The following C6orf136 variants were observed in gnomAD, a reference collection of about 807,000 sequenced individuals.
C6orf136 encodes uncharacterized protein C6orf136.
C6orf136 carries 29 observed loss-of-function variants against 44.0 expected under a neutral mutation model. The ratio of observed to expected loss-of-function variants is 0.66; its 90% CI spans 0.49 to 0.90. The LOEUF is 0.90. C6orf136 is among the 40% of genes least tolerant of loss of function. C6orf136 has a pLI of 0.00. For synonymous variants in C6orf136, 293 were observed against 278.6 expected (o/e 1.05, Z -0.52); for missense variants, 628 against 669.3 (o/e 0.94, Z 0.68).
At chr6:30,649,167 A>G (rs1364224501) in intron 1 of C6orf136, among the ~76,000 whole-genome samples, 3 of 152,192 alleles carry the variant, frequency 2.0e-5, no homozygotes, top group African/African-American at 4.8e-5. Flanking sequence ...GATGAAAACC[A>G]TCCTGGCTAA....
Position 30,649,432 on chromosome 6 carries a change from T to C in C6orf136, c.616-126T>C, listed in dbSNP as rs1391429857. ...GATGGAGATGAATCCATCCCTTTTTTCCTATAGTAATTCCATCCATTCTGT... is the reference window on the plus strand; with the variant it reads ...GATGGAGATGAATCCATCCCTTTTTCCCTATAGTAATTCCATCCATTCTGT... On this transcript the variant is annotated intron_variant, in intron 1 of 5. Transcript: ENST00000651131. 3 of 798,098 alleles carry C rather than the reference T, an allele frequency of 3.8e-6. No homozygotes were observed. The South Asian group carries it at 6.1e-5, about 16-fold the overall frequency. 49.4% of individuals were successfully genotyped at this position (798,098 alleles called of 1,614,324 possible). A position where few individuals can be genotyped will look rare whatever the true frequency, so the allele number is the denominator to read the frequency against.
chr6:30,650,085 C>A, intron 2 of C6orf136, 126 bp downstream of exon 2: 1 of 874,018 alleles, frequency 1.1e-6, no homozygotes, highest in Non-Finnish European at 1.7e-6. Context: ...ATATTATAAA[C>A]ATTTTCCTGA....
chr6:30,647,362 C>A lies in C6orf136; in HGVS notation c.131C>A (p.Pro44Gln). ...RGGGERPSSK[P>Q]VRGAERALGS... ...GGCGGGGAGAGACCCTCCTCAAAGCCGGTGCGTGGGGCGGAGCGCGCGCTG... is the reference window on the plus strand; with the variant it reads ...GGCGGGGAGAGACCCTCCTCAAAGCAGGTGCGTGGGGCGGAGCGCGCGCTG... The change falls in exon 1 of 6, where the codon CCG becomes CAG. Residue 44 changes from proline to glutamine, a missense_variant. By Grantham distance (76) the Pro-to-Gln change is moderately conservative. Coordinates refer to ENST00000651131, the MANE Select transcript of C6orf136 (RefSeq NM_001161376.2). The surrounding 1 kb of genome is among the most constrained non-coding windows in gnomAD (Gnocchi z 4.8). 1 of 1,524,078 alleles carries A rather than the reference C, an allele frequency of 6.6e-7. No individual in the cohort carries two copies. The highest frequency in any genetic ancestry group is 8.8e-7 in the Non-Finnish European group (1 of 1,139,598). The allele number at this position is 1,524,078 out of a possible 1,614,324, so 94.4% of individuals were successfully genotyped here.
rs1296114801 is a variant in C6orf136, at chr6:30,647,776, T to C, written c.545T>C (p.Leu182Pro). 2 of 1,543,830 alleles carry C rather than the reference T, an allele frequency of 1.3e-6. No homozygotes were observed. The highest frequency in any genetic ancestry group is 1.7e-6 in the Non-Finnish European group (2 of 1,145,072). The change falls in exon 1 of 6, where the codon CTG becomes CCG. Residue 182 changes from leucine (L) to proline (P), a missense_variant. Transcript: ENST00000651131. This position sits in a 1 kb window ranked among gnomAD's most constrained non-coding sequence, Gnocchi z 4.8. Reference protein sequence around the residue: ...GRPVCTRFGPLRPGWQDGHAP... With the variant: ...GRPVCTRFGPPRPGWQDGHAP... ...CCAGTGTGCACCCGGTTCGGGCCCC[T>C]GCGCCCGGGCTGGCAAGATGGCCAC...
At chr6:30,652,283 A>ACACACACAC (rs1561959009) in intron 4 of C6orf136, among the ~76,000 whole-genome samples, 1 of 144,322 alleles carries the variant, frequency 6.9e-6, no homozygotes, top group African/African-American at 2.6e-5. Context: ...ACACACACAC[A>ACACACACAC]AAAGTACTGA....
chr6:30,652,107 G>C (rs6899862), intron 4 of C6orf136, among the ~76,000 whole-genome samples: 11,411 of 151,956 alleles, frequency 0.075, 962 homozygotes, highest in African/African-American at 0.2. Context: ...GCCCAGTGTG[G>C]TGGTACACAC....
At chr6:30,652,571 C>T in intron 4 of C6orf136, 77 bp from the exon 5 acceptor site, 2 of 1,331,414 alleles carry the variant, frequency 1.5e-6, no homozygotes, top group Non-Finnish European at 2.2e-6. Context: ...TTAGGGACTA[C>T]TCGTTTAAAC....
At position 30,647,362 on chromosome 6, in the gene C6orf136, C is replaced by T. The variant is rs749778757; in HGVS notation, c.131C>T (p.Pro44Leu). 110 of 1,524,078 alleles carry T rather than the reference C, an allele frequency of 7.2e-5. No individual in the cohort carries two copies. The highest frequency in any genetic ancestry group is 4.3e-5 in the African/African-American group (3 of 70,576). The allele number at this position is 1,524,078 out of a possible 1,614,324, so 94.4% of individuals were successfully genotyped here. ...GGCGGGGAGAGACCCTCCTCAAAGC[C>T]GGTGCGTGGGGCGGAGCGCGCGCTG... The part of the protein sequence containing the change: ...RGGGERPSSK[P>L]VRGAERALGS... The change falls in exon 1 of 6, where the codon CCG becomes CTG. Residue 44 changes from proline to leucine, a missense_variant. By Grantham distance (98) the Pro-to-Leu change is moderately conservative (BLOSUM62 -3). Around this residue, in one of 2 missense-constraint regions of C6orf136, gnomAD observed 497 missense variants for 469.2 expected, o/e 1.06. Transcript: ENST00000651131. This position sits in a 1 kb window ranked among gnomAD's most constrained non-coding sequence, Gnocchi z 4.8.
rs1192879832 is a variant in C6orf136 at position 30,647,827 on chromosome 6, G to T, written c.596G>T (p.Arg199Met). 3 of 1,507,836 alleles carry T rather than the reference G, an allele frequency of 2.0e-6. No individual in the cohort carries two copies. The highest frequency in any genetic ancestry group is 2.7e-6 in the Non-Finnish European group (3 of 1,128,920). 93.4% of individuals were successfully genotyped at this position (1,507,836 alleles called of 1,614,324 possible). ...GHAPSRDGAS[R>M]TPSGTEDQLY... ...GCCCCCAGCAGAGACGGCGCCTCTA[G>T]GACACCATCGGGGACCGAGGTACCC... is the stretch of plus-strand genomic sequence containing the variant. The change falls in exon 1 of 6, where the codon AGG (arginine) becomes ATG (methionine). Residue 199 changes from arginine (R) to methionine (M), a missense_variant. By Grantham distance (91) the Arg-to-Met change is moderately conservative. Around this residue, in one of 2 missense-constraint regions of C6orf136, gnomAD observed 497 missense variants for 469.2 expected, o/e 1.06. Coordinates refer to ENST00000651131, the MANE Select transcript of C6orf136 (RefSeq NM_001161376.2). This position sits in a 1 kb window ranked among gnomAD's most constrained non-coding sequence, Gnocchi z 4.8.
intron 4 of C6orf136, 129 bp downstream of exon 4, chr6:30,651,595 C>T (rs1397767162): frequency 1.5e-5 from 13 of 894,734 alleles, no homozygotes; most frequent in Admixed American, 4.9e-5. Flanking sequence ...CAGCCTCTGC[C>T]TCCCGGCTTC....
At chr6:30,650,889 G>A (rs1327503330) in intron 2 of C6orf136, 105 bp from the exon 3 acceptor site, 1 of 799,082 alleles carries the variant, frequency 1.3e-6, no homozygotes, top group African/African-American at 1.7e-5. Context: ...TCCAGCCTGG[G>A]CGACAGAGCT....
At position 30,649,716 on chromosome 6, in the gene C6orf136, G is replaced by A. The variant is rs199822803; in HGVS notation, c.774G>A (p.Gln258=). 73 of 1,612,984 alleles carry A rather than the reference G, an allele frequency of 4.5e-5. No homozygotes were observed. The African/African-American group carries it at 6.5e-4, about 14-fold the overall frequency. The change falls in exon 2 of 6, where the codon CAG becomes CAA. Residue 258 remains glutamine (Q), a synonymous_variant. Transcript: ENST00000651131. The part of the protein sequence containing the change: ...QVPPLPLPQI[Q]ALSSAWVVLP... Reference sequence around the variant, plus strand: ...CCCCACTACCTCTCCCTCAGATCCAGGCCCTCAGCTCAGCATGGGTGGTTC... The same window carrying A: ...CCCCACTACCTCTCCCTCAGATCCAAGCCCTCAGCTCAGCATGGGTGGTTC...
chr6:30,652,395 G>C (rs1326878527), intron 4 of C6orf136, among the ~76,000 whole-genome samples: 1 of 152,102 alleles, frequency 6.6e-6, no homozygotes, highest in Non-Finnish European at 1.5e-5. Context: ...CACAAACATT[G>C]GATATAAGTT....
At position 30,647,709 on chromosome 6, in the gene C6orf136, G is replaced by T. The variant is rs776329801; in HGVS notation, c.478G>T (p.Ala160Ser). The change falls in exon 1 of 6, where the codon GCC (alanine) becomes TCC (serine). Residue 160 changes from alanine to serine, a missense_variant. Around this residue, in one of 2 missense-constraint regions of C6orf136, gnomAD observed 497 missense variants for 469.2 expected, o/e 1.06. Coordinates refer to ENST00000651131, the MANE Select transcript of C6orf136 (RefSeq NM_001161376.2). This position sits in a 1 kb window ranked among gnomAD's most constrained non-coding sequence, Gnocchi z 4.8. The part of the protein sequence containing the change: ...TRPAGRPQQP[A>S]RLALGERSWQ... Reference sequence around the variant, plus strand: ...ACCCGCGGGGCGCCCTCAGCAGCCCGCCCGTCTTGCACTCGGAGAGCGGTC... The same window carrying T: ...ACCCGCGGGGCGCCCTCAGCAGCCCTCCCGTCTTGCACTCGGAGAGCGGTC... 1.1e-4 allele frequency: 175 copies of T among 1,549,932 alleles called. No homozygotes were observed. The highest frequency in any genetic ancestry group is 1.6e-4 in the Admixed American group (8 of 50,970).
chr6:30,650,616 C>G (rs565498419), intron 2 of C6orf136, among the ~76,000 whole-genome samples: 1 of 152,172 alleles, frequency 6.6e-6, no homozygotes, highest in Admixed American at 6.5e-5. Flanking sequence ...AACCCCGTCT[C>G]TACTAAAAAT....
At position 30,647,165 on chromosome 6, in the gene C6orf136, C is replaced by G; in HGVS notation, c.-67C>G. 1 of 1,198,002 alleles carries G rather than the reference C, an allele frequency of 8.3e-7. No homozygotes were observed. The highest frequency in any genetic ancestry group is 5.4e-5 in the East Asian group (1 of 18,350). The allele number at this position is 1,198,002 out of a possible 1,614,324, so 74.2% of individuals were successfully genotyped here. A position where few individuals can be genotyped will look rare whatever the true frequency, so the allele number is the denominator to read the frequency against. ...CCCCTTCACGAAGCCGGCTCTGGGG[C>G]GCGCTCACCCCTGTGAGGAGGCCGG... On this transcript the variant is annotated 5_prime_UTR_variant, in exon 1 of 6. Coordinates refer to ENST00000651131, the MANE Select transcript of C6orf136 (RefSeq NM_001161376.2). This position sits in a 1 kb window ranked among gnomAD's most constrained non-coding sequence, Gnocchi z 4.8.
At chr6:30,651,492 A>G in intron 4 of C6orf136, 26 bp downstream of exon 4, 1 of 1,590,560 alleles carries the variant, frequency 6.3e-7, no homozygotes, top group Non-Finnish European at 8.5e-7. Flanking sequence ...GAAAGGACCC[A>G]AACTATAATC....
chr6:30,652,494 A>C, intron 4 of C6orf136, 154 bp from the exon 5 acceptor site: 1 of 724,672 alleles, frequency 1.4e-6, no homozygotes, highest in Non-Finnish European at 2.5e-6. Flanking sequence ...GATTTAATTG[A>C]GACAGGGCAC....
chr6:30,647,423 T>A lies in C6orf136; in HGVS notation c.192T>A (p.Leu64=), dbSNP rs1272360243. The change falls in exon 1 of 6, where the codon CTT becomes CTA. Residue 64 remains leucine, a synonymous_variant. Coordinates refer to ENST00000651131, the MANE Select transcript of C6orf136 (RefSeq NM_001161376.2). This position sits in a 1 kb window ranked among gnomAD's most constrained non-coding sequence, Gnocchi z 4.8. ...AGGCGCAGAGACACCCGCCGCCCCT[T>A]CCCACCTGTGCCCTGCAGCGCGTGG... is the stretch of plus-strand genomic sequence containing the variant. ...SAQAQRHPPP[L]PTCALQRVDR... 2.9e-5 allele frequency: 43 copies of A among 1,469,136 alleles called. No individual in the cohort carries two copies. The highest frequency in any genetic ancestry group is 3.7e-5 in the Non-Finnish European group (41 of 1,107,940). 91.0% of individuals were successfully genotyped at this position (1,469,136 alleles called of 1,614,324 possible). A position where few individuals can be genotyped will look rare whatever the true frequency, so the allele number is the denominator to read the frequency against.
Sources: allele counts gnomAD v4.1 joint callset (sites outside exome capture counted in the v4.1 genomes callset), GRCh38; gene constraint gnomAD v4.1.1; regional missense constraint gnomAD v4.1.1; non-coding constraint Gnocchi (gnomAD v3.1); transcripts MANE v1.5; gene names NCBI Gene and HGNC (gene_info 2026-07-23, HGNC 2026-07-21).